RCC1L: variants seen among roughly 807,000 people sequenced by gnomAD.
RCC1L encodes the protein RCC1 like, also known as RCC1-like G exchanging factor-like protein.
A neutral mutation model predicts 58.6 loss-of-function variants in RCC1L; 46 were observed. That is an observed-to-expected ratio of 0.79 (90% CI 0.62 to 1.00). RCC1L has a LOEUF of 1.00. Among genes scored for constraint, RCC1L ranks in the 50% least tolerant of loss-of-function variants. RCC1L has a pLI of 0.00. For synonymous variants in RCC1L, 281 were observed against 262.9 expected, an observed-to-expected ratio of 1.07 and a Z score of -0.67; for missense variants, 636 against 623.6, an observed-to-expected ratio of 1.02 and a Z score of -0.21.
chr7:75,055,967 C>T lies in RCC1L; in HGVS notation c.1165G>A (p.Glu389Lys), dbSNP rs1806063598. The part of the protein sequence containing the change: ...MIPPTLFGLT[E>K]FNPEIQVSRI... ...GAAACCTGGATTTCTGGGTTGAACT[C>T]CGTCAAGCCAAAGAGAGTGGGTGGA... is the stretch of plus-strand genomic sequence containing the variant. The change falls in exon 9 of 11, where the codon GAG (glutamate) becomes AAG (lysine). Residue 389 changes from glutamate (E) to lysine (K), a missense_variant. By Grantham distance (56) the Glu-to-Lys change is moderately conservative (BLOSUM62 1). Transcript: ENST00000610322. 6 of 1,613,948 alleles carry T rather than the reference C, an allele frequency of 3.7e-6. No individual in the cohort carries two copies. Among genetic ancestry groups the T allele is most frequent in the Middle Eastern group, 1.7e-4 (1 of 6,056 alleles).
intron 9 of RCC1L, among the ~76,000 whole-genome samples, chr7:75,054,452 G>C (rs1806015076): frequency 6.6e-6 from 1 of 152,184 alleles, no homozygotes; most frequent in Non-Finnish European, 1.5e-5. Context: ...CATGGCATGA[G>C]GGCAAATAGA....
intron 10 of RCC1L, among the ~76,000 whole-genome samples, chr7:75,045,977 G>A (rs1270590522): frequency 1.3e-5 from 2 of 152,244 alleles, no homozygotes; most frequent in African/African-American, 4.8e-5. Flanking sequence ...GCTGGAAAGG[G>A]GATCTGTCAC....
At chr7:75,054,642 C>A (rs1341529520) in intron 9 of RCC1L, among the ~76,000 whole-genome samples, 4 of 152,094 alleles carry the variant, frequency 2.6e-5, no homozygotes, top group African/African-American at 9.7e-5. Flanking sequence ...ATTAGCCGGG[C>A]GTGGTGGTGT....
intron 2 of RCC1L, among the ~76,000 whole-genome samples, chr7:75,070,285 G>A (rs2132013521): frequency 6.6e-6 from 1 of 152,188 alleles, no homozygotes; most frequent in Middle Eastern, 3.4e-3. Flanking sequence ...AACACCAAAG[G>A]GAGGGCTGGG....
intron 10 of RCC1L, among the ~76,000 whole-genome samples, chr7:75,033,180 G>A (rs1805353422): frequency 6.6e-6 from 1 of 152,016 alleles, no homozygotes; most frequent in South Asian, 2.1e-4. Context: ...TGGTGCTGGG[G>A]ACCCACTATA....
chr7:75,047,246 T>C (rs970678016), intron 10 of RCC1L, among the ~76,000 whole-genome samples: 1 of 152,124 alleles, frequency 6.6e-6, no homozygotes, highest in South Asian at 2.1e-4. Context: ...CGTGAGCCAC[T>C]GCGCCCGGCC....
intron 5 of RCC1L, among the ~76,000 whole-genome samples, chr7:75,062,987 C>T (rs1051633820): frequency 3.3e-5 from 5 of 151,782 alleles, no homozygotes; most frequent in African/African-American, 4.8e-5. Flanking sequence ...TTAGTAAAGA[C>T]GGGGTTTCAC....
intron 9 of RCC1L, among the ~76,000 whole-genome samples, chr7:75,053,846 C>G (rs1805993317): frequency 6.6e-6 from 1 of 152,208 alleles, no homozygotes; most frequent in South Asian, 2.1e-4. Context: ...TCTTAGGCCC[C>G]TGATCTAAGC....
At chr7:75,047,389 C>T (rs1805757604) in intron 10 of RCC1L, among the ~76,000 whole-genome samples, 1 of 152,232 alleles carries the variant, frequency 6.6e-6, no homozygotes, top group Non-Finnish European at 1.5e-5. Context: ...GCCTCAGCCT[C>T]CCAGGGAGCT....
downstream of RCC1L, among the ~76,000 whole-genome samples, chr7:75,039,245 C>T (rs1015278419): frequency 9.2e-5 from 14 of 152,234 alleles, no homozygotes; most frequent in Non-Finnish European, 1.5e-4. Flanking sequence ...ATTTCATAAG[C>T]GCATCCTGAG....
chr7:75,030,444 G>A (rs1220351967), intron 10 of RCC1L, among the ~76,000 whole-genome samples: 1 of 152,254 alleles, frequency 6.6e-6, no homozygotes, highest in Non-Finnish European at 1.5e-5. Flanking sequence ...CTGGTAGGAC[G>A]GCCTCACCCC....
At chr7:75,044,522 C>T (rs1805659981) in intron 10 of RCC1L, among the ~76,000 whole-genome samples, 1 of 136,850 alleles carries the variant, frequency 7.3e-6, no homozygotes. Flanking sequence ...TCGCTTGAAC[C>T]TGGGAGGTGG....
At chr7:75,036,772 C>T (rs951159505) in intron 10 of RCC1L, among the ~76,000 whole-genome samples, 18 of 151,948 alleles carry the variant, frequency 1.2e-4, no homozygotes, top group African/African-American at 3.6e-4. Flanking sequence ...TGGTGGTGCA[C>T]GTCTGTAGTC....
intron 10 of RCC1L, among the ~76,000 whole-genome samples, chr7:75,049,663 G>C (rs1207410257): frequency 2.8e-5 from 4 of 141,006 alleles, no homozygotes; most frequent in Non-Finnish European, 4.5e-5. Context: ...GCAAGACCCT[G>C]TTTTCAAAAA....
intron 9 of RCC1L, among the ~76,000 whole-genome samples, chr7:75,055,407 G>A (rs1554443768): frequency 2.6e-5 from 4 of 152,142 alleles, no homozygotes; most frequent in South Asian, 2.1e-4. Context: ...TCTCTACCCC[G>A]GCACTTTGGA....
intron 9 of RCC1L, chr7:75,055,606 G>A (rs1806049799): frequency 1.9e-5 from 8 of 427,496 alleles, no homozygotes; most frequent in Non-Finnish European, 3.5e-5. Context: ...AGCACCCGAC[G>A]TACTAGCAAT....
At chr7:75,031,502 A>G (rs1297472392) in intron 10 of RCC1L, among the ~76,000 whole-genome samples, 5 of 148,748 alleles carry the variant, frequency 3.4e-5, no homozygotes, top group Non-Finnish European at 7.5e-5. Context: ...TACTTTGTAA[A>G]GTGTTAATTA....
At chr7:75,066,561 G>A in intron 3 of RCC1L, 103 bp downstream of exon 3, 1 of 1,497,758 alleles carries the variant, frequency 6.7e-7, no homozygotes, top group African/African-American at 1.4e-5. Context: ...TCACTCATTA[G>A]ATGTGGCTCA....
intron 10 of RCC1L, among the ~76,000 whole-genome samples, chr7:75,031,779 C>T (rs1805312657): frequency 6.6e-6 from 1 of 152,132 alleles, no homozygotes; most frequent in East Asian, 1.9e-4. Context: ...TTCTGTGGGT[C>T]AGGAATTCAG....
Sources: gnomAD v4.1 joint callset for allele counts (sites outside exome capture counted in the v4.1 genomes callset) on GRCh38, gnomAD v4.1.1 for gene constraint, MANE v1.5 for transcripts, NCBI Gene and HGNC (gene_info 2026-07-23, HGNC 2026-07-21) for gene names.